ZNF471: variants seen among roughly 807,000 people sequenced by gnomAD.
The protein encoded by ZNF471 is EZFIT-related protein 1.
Under a neutral mutation model 13.7 loss-of-function variants are expected in ZNF471, and 7 were observed. The observed-to-expected ratio is 0.51, with a 90% CI of 0.29 to 0.96. The LOEUF is 0.96. Ranked by LOEUF, ZNF471 falls within the 40% of genes least tolerant of loss-of-function variation. The pLI, the probability that ZNF471 is intolerant of heterozygous loss-of-function variation, is 0.08. For missense variants in ZNF471, 663 were observed against 743.3 expected, an observed-to-expected ratio of 0.89 and a Z score of 1.26; for synonymous variants, 218 against 235.6, an observed-to-expected ratio of 0.93 and a Z score of 0.68.
In ZNF471 at chr19:56,529,221, T is replaced by C. The variant is rs1223700908; in HGVS notation, c.*3273T>C. On this transcript the variant is annotated 3_prime_UTR_variant, in exon 5 of 5. Coordinates refer to ENST00000308031, the MANE Select transcript of ZNF471 (RefSeq NM_020813.4). Reference sequence around the variant, plus strand: ...AAGGGAGGTTTTGTAGAAGGTCGTATCCATGGGTTTTTTATATTTGAAAAG... The same window carrying C: ...AAGGGAGGTTTTGTAGAAGGTCGTACCCATGGGTTTTTTATATTTGAAAAG... 6.6e-6 allele frequency: 1 copy of C among 152,244 alleles called. No individual in the cohort carries two copies. Among genetic ancestry groups the C allele is most frequent in the African/African-American group, 2.4e-5 (1 of 41,460 alleles). The allele number at this position is 152,244 out of a possible 1,614,324, so 9.4% of individuals were successfully genotyped here. A position where few individuals can be genotyped will look rare whatever the true frequency, so the allele number is the denominator to read the frequency against.
rs540942223 is a variant in ZNF471, at chr19:56,526,330, C to T, written c.*382C>T. ...CTGTGCCATGAGGAATGGTGCACTC[C>T]GGCACAGATACTACGCTTTTCCCAT... is the stretch of plus-strand genomic sequence containing the variant. On this transcript the variant is annotated 3_prime_UTR_variant, in exon 5 of 5. Transcript: ENST00000308031. The T allele has an allele frequency of 2.7e-4, 47 of 175,838 alleles. No homozygotes were observed. The East Asian group carries it at 5.3e-3, about 20-fold the overall frequency. The allele number at this position is 175,838 out of a possible 1,614,324, so 10.9% of individuals were successfully genotyped here.
At position 56,517,990 on chromosome 19, in the gene ZNF471, TTTC is replaced by T. The variant is rs554905976; in HGVS notation, c.161-485_161-483del. On this transcript the variant is annotated intron_variant, in intron 3 of 4. Coordinates refer to ENST00000308031, the MANE Select transcript of ZNF471 (RefSeq NM_020813.4). ...ATAGCTGTTTTTAAATCATGTGCTA[TTTC>T]TTCTTCGTTATTGCAGTGTGAGCGT... Among the ~76,000 whole-genome samples, 16 of 152,334 alleles carry T rather than the reference TTTC, an allele frequency of 1.1e-4. No homozygotes were observed. The South Asian group carries it at 2.3e-3, about 22-fold the overall frequency.
intron 3 of ZNF471, among the ~76,000 whole-genome samples, chr19:56,518,270 T>A (rs2147916843): frequency 6.6e-6 from 1 of 152,280 alleles, no homozygotes; most frequent in Non-Finnish European, 1.5e-5. Context: ...GCTAAATTTC[T>A]GCCCTCAAGC....
chr19:56,523,975 C>T (rs1375135933), intron 4 of ZNF471, among the ~76,000 whole-genome samples: 2 of 152,100 alleles, frequency 1.3e-5, no homozygotes, highest in East Asian at 3.9e-4. Flanking sequence ...AGGCATGTAC[C>T]ACCATGCTTG....
chr19:56,509,777 A>T, intron 1 of ZNF471: 1 of 762,142 alleles, frequency 1.3e-6, no homozygotes, highest in Non-Finnish European at 1.6e-6. Context: ...ATCTGGTCTT[A>T]GAACTGTTTT....
chr19:56,528,826 A>G lies in ZNF471; in HGVS notation c.*2878A>G, dbSNP rs1814376236. 1 of 152,240 alleles carries G rather than the reference A, an allele frequency of 6.6e-6. No individual in the cohort carries two copies. Among genetic ancestry groups the G allele is most frequent in the Non-Finnish European group, 1.5e-5 (1 of 68,042 alleles). 9.4% of individuals were successfully genotyped at this position (152,240 alleles called of 1,614,324 possible). Reference sequence around the variant, plus strand: ...GTTTAACTGAAGAAAGAGAAATTGAATAATATAGTTCTATTTCAACATGTG... The same window carrying G: ...GTTTAACTGAAGAAAGAGAAATTGAGTAATATAGTTCTATTTCAACATGTG... On this transcript the variant is annotated 3_prime_UTR_variant, in exon 5 of 5. Transcript: ENST00000308031.
At chr19:56,513,917 C>T (rs1433811560) in intron 2 of ZNF471, among the ~76,000 whole-genome samples, 1 of 151,950 alleles carries the variant, frequency 6.6e-6, no homozygotes, top group Non-Finnish European at 1.5e-5. Context: ...GTAGAGAAAT[C>T]TTATACCACA....
At chr19:56,519,656 GTGTT>G (rs1400513897) in intron 4 of ZNF471, among the ~76,000 whole-genome samples, 2 of 152,188 alleles carry the variant, frequency 1.3e-5, no homozygotes, top group Non-Finnish European at 2.9e-5. Context: ...TTCTGTAACA[GTGTT>G]TGATCTTTTG....
intron 4 of ZNF471, among the ~76,000 whole-genome samples, chr19:56,518,960 GCT>G (rs2147918206): frequency 6.6e-6 from 1 of 152,186 alleles, no homozygotes; most frequent in South Asian, 2.1e-4. Context: ...GTACCCTGCT[GCT>G]CTTTCATTCC....
Position 56,510,249 on chromosome 19 carries a change from GTAAC to G in ZNF471, c.-55-1266_-55-1263del. 1.0e-6 allele frequency: 1 copy of G among 985,490 alleles called. No homozygotes were observed. 61.0% of individuals were successfully genotyped at this position (985,490 alleles called of 1,614,324 possible). A position where few individuals can be genotyped will look rare whatever the true frequency, so the allele number is the denominator to read the frequency against. ...CTGTGTGAGACACTGGAGCATTTGA[GTAAC>G]TGAGGCCTCTTTGAAAGATACCATT... On this transcript the variant is annotated intron_variant, in intron 1 of 4. Transcript: ENST00000308031. This position sits in a 1 kb window ranked among gnomAD's most constrained non-coding sequence, Gnocchi z 4.3.
chr19:56,525,904 T>C lies in ZNF471; in HGVS notation c.1837T>C (p.Ser613Pro), dbSNP rs772843657. The change falls in exon 5 of 5, where the codon TCC becomes CCC. Residue 613 changes from serine to proline, a missense_variant. Transcript: ENST00000308031. ...TGGGAAGGCGTTCAGAAGAAAGTTA[T>C]CCTTAATTTGTCATCAAAGAAGTCA... Reference protein sequence around the residue: ...ECGKAFRRKLSLICHQRSHTG... With the variant: ...ECGKAFRRKLPLICHQRSHTG... The C allele has an allele frequency of 7.6e-6, 12 of 1,581,164 alleles. No individual in the cohort carries two copies. The African/African-American group carries it at 1.2e-4, about 16-fold the overall frequency.
rs1600514948 is a variant in ZNF471 at position 56,518,597 on chromosome 19, A to G, written c.256+20A>G. On this transcript the variant is annotated intron_variant, in intron 4 of 4. Transcript: ENST00000308031. ...TCTCAGGTGAGTGTGGAAGAACCAG[A>G]GAGGGGAATCTTTTTGACATAATGG... 6.2e-7 allele frequency: 1 copy of G among 1,602,220 alleles called. No individual in the cohort carries two copies. The highest frequency in any genetic ancestry group is 2.2e-5 in the East Asian group (1 of 44,770).
chr19:56,526,835 A>G lies in ZNF471; in HGVS notation c.*887A>G, dbSNP rs1285466288. 6.6e-6 allele frequency: 1 copy of G among 152,334 alleles called. No individual in the cohort carries two copies. The highest frequency in any genetic ancestry group is 1.5e-5 in the Non-Finnish European group (1 of 68,146). The allele number at this position is 152,334 out of a possible 1,614,324, so 9.4% of individuals were successfully genotyped here. A position where few individuals can be genotyped will look rare whatever the true frequency, so the allele number is the denominator to read the frequency against. ...CCTCTCTGGGCAGCGCATCTTTGAA[A>G]AAAGTGCAGATAAAACCCTCATCTC... On this transcript the variant is annotated 3_prime_UTR_variant, in exon 5 of 5. Coordinates refer to ENST00000308031, the MANE Select transcript of ZNF471 (RefSeq NM_020813.4).
At position 56,526,289 on chromosome 19, in the gene ZNF471, G is replaced by T. The variant is rs1371870275; in HGVS notation, c.*341G>T. The T allele has an allele frequency of 4.7e-6, 1 of 212,698 alleles. No homozygotes were observed. The highest frequency in any genetic ancestry group is 2.3e-5 in the African/African-American group (1 of 43,560). 13.2% of individuals were successfully genotyped at this position (212,698 alleles called of 1,614,324 possible). A position where few individuals can be genotyped will look rare whatever the true frequency, so the allele number is the denominator to read the frequency against. On this transcript the variant is annotated 3_prime_UTR_variant, in exon 5 of 5. Transcript: ENST00000308031. ...TCGGGGATCTCCCTCCCCTAGCCAAGGGAAGCCATGAGGGACTGTGCCATG... is the reference window on the plus strand; with the variant it reads ...TCGGGGATCTCCCTCCCCTAGCCAATGGAAGCCATGAGGGACTGTGCCATG...
At chr19:56,518,823 T>C (rs528970844) in intron 4 of ZNF471, among the ~76,000 whole-genome samples, 1 of 152,282 alleles carries the variant, frequency 6.6e-6, no homozygotes, top group Non-Finnish European at 1.5e-5. Context: ...GATTTTTGTT[T>C]TGCAAAAATC....
At position 56,518,496 on chromosome 19, in the gene ZNF471, A is replaced by G. The variant is rs1188221720; in HGVS notation, c.175A>G (p.Lys59Glu). 6.2e-7 allele frequency: 1 copy of G among 1,612,844 alleles called. No individual in the cohort carries two copies. Among genetic ancestry groups the G allele is most frequent in the African/African-American group, 1.3e-5 (1 of 74,820 alleles). ...TTTATATGTAGGTCTTTGCATTTCT[A>G]AGCCATATGTGATCTCCTTATTGGA... ...SLVSLGLCIS[K>E]PYVISLLEQG... The change falls in exon 4 of 5, where the codon AAG becomes GAG. Residue 59 changes from lysine to glutamate, a missense_variant. Lys to Glu is a moderately conservative substitution (Grantham distance 56). Coordinates refer to ENST00000308031, the MANE Select transcript of ZNF471 (RefSeq NM_020813.4).
chr19:56,509,839 T>A (rs1384709132), intron 1 of ZNF471: 2 of 985,170 alleles, frequency 2.0e-6, no homozygotes, highest in African/African-American at 3.5e-5. Flanking sequence ...CTTTGTCACC[T>A]GAGTGTGTTA....
chr19:56,513,338 T>C (rs2147907342), intron 2 of ZNF471, among the ~76,000 whole-genome samples: 1 of 152,348 alleles, frequency 6.6e-6, no homozygotes, highest in South Asian at 2.1e-4. Flanking sequence ...CTGTAAACAT[T>C]ATTCACTATT....
chr19:56,513,221 T>G (rs1029391003), intron 2 of ZNF471, among the ~76,000 whole-genome samples: 2 of 152,204 alleles, frequency 1.3e-5, no homozygotes, highest in East Asian at 3.8e-4. Context: ...TATTTCTTGA[T>G]TATTTTAGTT....
Sources: gnomAD v4.1 joint callset for allele counts (sites outside exome capture counted in the v4.1 genomes callset) on GRCh38, gnomAD v4.1.1 for gene constraint, Gnocchi (gnomAD v3.1) non-coding constraint, MANE v1.5 for transcripts, NCBI Gene and HGNC (gene_info 2026-07-23, HGNC 2026-07-21) for gene names.